The following FABP7 variants were observed in gnomAD, a reference collection of about 807,000 sequenced individuals.
FABP7 encodes the protein fatty acid-binding protein, brain.
In FABP7, 13 loss-of-function variants were observed where a neutral mutation model predicts 14.2. The observed-to-expected ratio is 0.91, with a 90% CI of 0.59 to 1.45. The LOEUF is 1.45. FABP7 is among the 40% of genes most tolerant of loss of function. FABP7 has a pLI of 0.00. For synonymous variants in FABP7, 49 were observed against 51.4 expected (o/e 0.95, Z 0.20); for missense variants, 149 against 157.6 (o/e 0.95, Z 0.29).
the FABP7 span, among the ~76,000 whole-genome samples, chr6:122,755,482 G>A: frequency 4.6e-3 from 599 of 130,822 alleles, 5 homozygotes; most frequent in African/African-American, 0.016. Flanking sequence ...TTTTTGAGAC[G>A]GAGTCTCGCT....
the FABP7 span, among the ~76,000 whole-genome samples, chr6:122,750,214 T>G: frequency 0.38 from 58,381 of 151,934 alleles, 11,494 homozygotes; most frequent in Non-Finnish European, 0.44. Flanking sequence ...TTTTAATTTT[T>G]GAATTAGTTT....
At chr6:122,764,468 C>T in the FABP7 span, among the ~76,000 whole-genome samples, 5 of 151,972 alleles carry the variant, frequency 3.3e-5, no homozygotes, top group Non-Finnish European at 5.9e-5. Flanking sequence ...AGCACACCAA[C>T]ATGGCACATG....
upstream of FABP7, among the ~76,000 whole-genome samples, chr6:122,774,845 T>C (rs1000412186): frequency 2.7e-5 from 4 of 149,620 alleles, no homozygotes; most frequent in African/African-American, 9.8e-5. Context: ...CAAAAATCAG[T>C]AGCATTTCTA....
At chr6:122,766,402 C>T in the FABP7 span, among the ~76,000 whole-genome samples, 1 of 152,026 alleles carries the variant, frequency 6.6e-6, no homozygotes, top group East Asian at 1.9e-4. Flanking sequence ...CTGTAATCAC[C>T]TAGAATGTAG....
chr6:122,761,440 T>C, the FABP7 span, among the ~76,000 whole-genome samples: 1 of 152,180 alleles, frequency 6.6e-6, no homozygotes, highest in Non-Finnish European at 1.5e-5. Context: ...CTATATCATT[T>C]ATGTAAAGAT....
chr6:122,782,034 G>C, intron 3 of FABP7: 1 of 984,924 alleles, frequency 1.0e-6, no homozygotes, highest in Non-Finnish European at 1.2e-6. Context: ...TTACAGGCCT[G>C]AGCCAAGGCT....
rs372533301 is a variant in FABP7 at position 122,781,168 on chromosome 6, G to C, written c.322G>C (p.Glu108Gln). The change falls in exon 3 of 4, where the codon GAA (glutamate) becomes CAA (glutamine). Residue 108 changes from glutamate (E) to glutamine (Q), a missense_variant. Transcript: ENST00000368444. ...WDGKETNFVR[E>Q]IKDGKMVMTL... ...TGGCAAAGAAACAAATTTTGTAAGA[G>C]AAATTAAGGATGGCAAAATGGTTAT... 2.5e-6 allele frequency: 4 copies of C among 1,613,886 alleles called. No homozygotes were observed. The highest frequency in any genetic ancestry group is 3.4e-6 in the Non-Finnish European group (4 of 1,179,960).
At chr6:122,776,450 G>T (rs918598574), upstream of FABP7, among the ~76,000 whole-genome samples, 1 of 152,044 alleles carries the variant, frequency 6.6e-6, no homozygotes, top group Non-Finnish European at 1.5e-5. Flanking sequence ...TAACTCATAT[G>T]TGGGAGCCAA....
chr6:122,754,635 A>G, the FABP7 span, among the ~76,000 whole-genome samples: 34 of 115,950 alleles, frequency 2.9e-4, no homozygotes, highest in Non-Finnish European at 4.9e-4. Flanking sequence ...AGTGGTAACA[A>G]TGGGTGTTTT....
At chr6:122,782,651 G>C (rs1562340741) in intron 3 of FABP7, 1 of 985,272 alleles carries the variant, frequency 1.0e-6, no homozygotes. Context: ...TTTTGGAGGA[G>C]GGTGTGAGAA....
upstream of FABP7, among the ~76,000 whole-genome samples, chr6:122,775,432 A>G (rs568204008): frequency 1.3e-5 from 2 of 152,162 alleles, no homozygotes; most frequent in South Asian, 4.2e-4. Flanking sequence ...ACTTCAACAA[A>G]TGGTGTTGGA....
chr6:122,750,326 C>T, the FABP7 span, among the ~76,000 whole-genome samples: 2 of 151,738 alleles, frequency 1.3e-5, no homozygotes, highest in African/African-American at 4.8e-5. Context: ...TAATTGCTAC[C>T]AGTAGATCTT....
chr6:122,779,707 T>C (rs1431021075), upstream of FABP7: 3 of 1,270,314 alleles, frequency 2.4e-6, no homozygotes, highest in South Asian at 1.2e-5. Context: ...AGGAGCTGCT[T>C]GCTGAGGTGT....
chr6:122,755,459 A>ATT, the FABP7 span, among the ~76,000 whole-genome samples: 57,528 of 131,760 alleles, frequency 0.44, 14,607 homozygotes, highest in Non-Finnish European at 0.57. Flanking sequence ...TATGTTTTGT[A>ATT]TTTTTTTTTT....
the FABP7 span, among the ~76,000 whole-genome samples, chr6:122,753,734 G>C: frequency 6.0e-5 from 9 of 150,512 alleles, no homozygotes; most frequent in Non-Finnish European, 8.8e-5. Context: ...AAGTGGACTC[G>C]AGCAGCAGCT....
chr6:122,777,845 A>T (rs868811933), upstream of FABP7, among the ~76,000 whole-genome samples: 1 of 143,778 alleles, frequency 7.0e-6, no homozygotes, highest in African/African-American at 2.5e-5. Flanking sequence ...CCTTTCTCCA[A>T]AAATAAATAA....
the FABP7 span, among the ~76,000 whole-genome samples, chr6:122,751,828 G>A: frequency 0.51 from 77,496 of 151,956 alleles, 20,071 homozygotes; most frequent in South Asian, 0.72. Context: ...GGGCTCCTCA[G>A]GGCCTTGCTA....
the FABP7 span, among the ~76,000 whole-genome samples, chr6:122,755,620 AT>A: frequency 0.015 from 2,163 of 147,836 alleles, 30 homozygotes; most frequent in Non-Finnish European, 0.023. Context: ...CGCCCGGCTA[AT>A]TTTTTTTTTT....
At chr6:122,773,583 T>C in the FABP7 span, among the ~76,000 whole-genome samples, 1 of 152,308 alleles carries the variant, frequency 6.6e-6, no homozygotes, top group Middle Eastern at 3.4e-3. Context: ...CCTTTCCAGC[T>C]ACAGAGATAT....
Sources: gnomAD v4.1 joint callset for allele counts (sites outside exome capture counted in the v4.1 genomes callset) on GRCh38, gnomAD v4.1.1 for gene constraint, MANE v1.5 for transcripts, NCBI Gene and HGNC (gene_info 2026-07-23, HGNC 2026-07-21) for gene names.